Variants in TIAM2 observed in about 807,000 individuals in gnomAD.
The protein encoded by TIAM2 is rho guanine nucleotide exchange factor TIAM2.
In TIAM2, 80 loss-of-function variants were observed where a neutral mutation model predicts 152.9. The observed-to-expected ratio is 0.52, with a 90% confidence interval of 0.44 to 0.63. The LOEUF (loss-of-function observed/expected upper bound fraction) is 0.63. Among genes scored for constraint, TIAM2 ranks in the 30% least tolerant of loss-of-function variants. TIAM2 has a pLI of 0.00. For synonymous variants in TIAM2, 804 were observed against 838.0 expected, an observed-to-expected ratio of 0.96 and a Z score of 0.70; for missense variants, 1,965 against 2,120.1, an observed-to-expected ratio of 0.93 and a Z score of 1.44.
intron 14 of TIAM2, among the ~76,000 whole-genome samples, chr6:155,194,159 C>T (rs559976219): frequency 9.2e-5 from 14 of 152,250 alleles, no homozygotes; most frequent in African/African-American, 3.1e-4. Context: ...GATGAGGGGG[C>T]ATAGAGCGTT....
At chr6:155,071,362 T>C (rs1777833977) in intron 1 of TIAM2, among the ~76,000 whole-genome samples, 2 of 152,176 alleles carry the variant, frequency 1.3e-5, no homozygotes, top group Admixed American at 1.3e-4. Flanking sequence ...AAGCAGCATT[T>C]TAGACTGGAC....
At chr6:155,075,619 G>C (rs1447032508) in intron 1 of TIAM2, among the ~76,000 whole-genome samples, 1 of 152,198 alleles carries the variant, frequency 6.6e-6, no homozygotes, top group African/African-American at 2.4e-5. Flanking sequence ...GAATTATTCA[G>C]ATTTTTGAAT....
At chr6:155,084,150 G>C (rs560221919) in intron 1 of TIAM2, among the ~76,000 whole-genome samples, 288 of 152,280 alleles carry the variant, frequency 1.9e-3, no homozygotes, top group Non-Finnish European at 3.2e-3. Flanking sequence ...TTTCTGTGGT[G>C]TGAGTGTTAC....
intron 5 of TIAM2, among the ~76,000 whole-genome samples, chr6:155,141,287 C>T (rs1370401237): frequency 6.6e-6 from 1 of 152,002 alleles, no homozygotes; most frequent in Non-Finnish European, 1.5e-5. Flanking sequence ...CACCTCTTTC[C>T]TCTGGGAATT....
At chr6:155,114,034 ATATTTTTTTTTTTTTCTTTTTTT>A (rs1452228861) in intron 2 of TIAM2, among the ~76,000 whole-genome samples, 1 of 37,772 alleles carries the variant, frequency 2.6e-5, no homozygotes, top group Non-Finnish European at 4.7e-5. Context: ...ATATATATAT[ATATTTTTTTTTTTTTCTTTTTTT>A]TTTTTTTTTT....
chr6:155,120,082 C>G (rs934916273), intron 2 of TIAM2, among the ~76,000 whole-genome samples: 5 of 152,116 alleles, frequency 3.3e-5, no homozygotes, highest in African/African-American at 1.2e-4. Flanking sequence ...TGTGGAGATC[C>G]TCCTTGTGAT....
rs556090095 is a variant in TIAM2 at position 155,246,233 on chromosome 6, CCTGGAGGGCAT to C, written c.3652+510_3652+520del. On this transcript the variant is annotated intron_variant, in intron 19 of 26. Transcript: ENST00000682666. ...TCTTCGGTGTTTCTCTCTGCGTGGG[CCTGGAGGGCAT>C]CTGGAGGTTTATCCTGACGCCCTTA... 1.5e-3 allele frequency among the ~76,000 whole-genome samples: 230 copies of C among 152,206 alleles called. 1 individual carries two copies. The highest frequency in any genetic ancestry group is 2.6e-3 in the Non-Finnish European group (177 of 68,008).
intron 1 of TIAM2, among the ~76,000 whole-genome samples, chr6:155,089,636 T>C (rs1778254467): frequency 6.6e-6 from 1 of 152,212 alleles, no homozygotes; most frequent in Non-Finnish European, 1.5e-5. Context: ...GGATCATTTC[T>C]CTAAGTTCAA....
In TIAM2 at chr6:155,152,823, G is replaced by A. The variant is rs184831074; in HGVS notation, c.2028+4489G>A. ...CTGTTGTGTGTGTGTGGTGGTGGTGGGTGGGGGTTTCTCTGTGGCCACAAG... is the reference window on the plus strand; with the variant it reads ...CTGTTGTGTGTGTGTGGTGGTGGTGAGTGGGGGTTTCTCTGTGGCCACAAG... On this transcript the variant is annotated intron_variant, in intron 7 of 26. Coordinates refer to ENST00000682666, the MANE Select transcript of TIAM2 (RefSeq NM_012454.4). Among the ~76,000 whole-genome samples, 758 of 152,190 alleles carry A rather than the reference G, an allele frequency of 5.0e-3. 12 individuals carry two copies. The highest frequency in any genetic ancestry group is 0.018 in the African/African-American group (735 of 41,516).
chr6:155,244,788 G>A lies in TIAM2; in HGVS notation c.3543+5G>A, dbSNP rs2115325941. On this transcript the variant is annotated splice_donor_5th_base_variant and intron_variant, in intron 18 of 26. Coordinates refer to ENST00000682666, the MANE Select transcript of TIAM2 (RefSeq NM_012454.4). Reference sequence around the variant, plus strand: ...GAAACCCCCTCACAGTTTAGAGTAAGTATCTCAGATTTAGGCTTAAAGTAA... The same window carrying A: ...GAAACCCCCTCACAGTTTAGAGTAAATATCTCAGATTTAGGCTTAAAGTAA... 4 of 1,602,052 alleles carry A rather than the reference G, an allele frequency of 2.5e-6. No homozygotes were observed. Among genetic ancestry groups the A allele is most frequent in the Non-Finnish European group, 3.4e-6 (4 of 1,174,440 alleles).
chr6:155,187,228 C>T (rs1475462532), intron 14 of TIAM2, among the ~76,000 whole-genome samples: 1 of 152,038 alleles, frequency 6.6e-6, no homozygotes, highest in South Asian at 2.1e-4. Flanking sequence ...TAACTTTTGT[C>T]TCTTGATCAG....
At chr6:155,166,956 G>A (rs1053203883) in intron 9 of TIAM2, among the ~76,000 whole-genome samples, 1 of 152,208 alleles carries the variant, frequency 6.6e-6, no homozygotes, top group Non-Finnish European at 1.5e-5. Context: ...ATTGGAAAGA[G>A]AGTCACATTT....
intron 14 of TIAM2, among the ~76,000 whole-genome samples, chr6:155,199,073 T>A (rs1015034960): frequency 6.6e-6 from 1 of 151,772 alleles, no homozygotes; most frequent in African/African-American, 2.4e-5. Flanking sequence ...TTCTTTATTT[T>A]TTTTTTTTAA....
At chr6:155,229,218 A>G (rs908776774) in intron 15 of TIAM2, among the ~76,000 whole-genome samples, 2 of 152,046 alleles carry the variant, frequency 1.3e-5, no homozygotes, top group Non-Finnish European at 2.9e-5. Context: ...TTATCCCTAC[A>G]CCCAGAACAG....
chr6:155,237,399 C>T (rs1169926341), intron 15 of TIAM2, among the ~76,000 whole-genome samples: 2 of 152,222 alleles, frequency 1.3e-5, no homozygotes, highest in Non-Finnish European at 2.9e-5. Context: ...TTGCCAGGCA[C>T]AGGGTGCAAG....
At chr6:155,132,226 G>A (rs1177276193) in intron 4 of TIAM2, among the ~76,000 whole-genome samples, 4 of 146,802 alleles carry the variant, frequency 2.7e-5, no homozygotes, top group African/African-American at 1.0e-4. Flanking sequence ...GAATTTGTGT[G>A]GGCAGTTAGT....
At chr6:155,250,598 G>C (rs1783597281) in intron 21 of TIAM2, 1 of 1,535,878 alleles carries the variant, frequency 6.5e-7, no homozygotes, top group African/African-American at 1.4e-5. Flanking sequence ...GCTTACAAAA[G>C]GCACTCTGGA....
chr6:155,035,758 T>C (rs1776910958), intron 1 of TIAM2, among the ~76,000 whole-genome samples: 1 of 152,230 alleles, frequency 6.6e-6, no homozygotes, highest in Admixed American at 6.5e-5. Context: ...TGAAAACATT[T>C]GATTCTCATT....
chr6:155,042,917 C>T (rs1777081267), intron 1 of TIAM2, among the ~76,000 whole-genome samples: 1 of 152,128 alleles, frequency 6.6e-6, no homozygotes, highest in South Asian at 2.1e-4. Flanking sequence ...CTCAATCTTC[C>T]CTCCCTCCAG....
Sources: gnomAD v4.1 joint callset for allele counts (sites outside exome capture counted in the v4.1 genomes callset) on GRCh38, gnomAD v4.1.1 for gene constraint, MANE v1.5 for transcripts, NCBI Gene and HGNC (gene_info 2026-07-23, HGNC 2026-07-21) for gene names.